The following LNPEP variants were observed in gnomAD, a reference collection of about 807,000 sequenced individuals.
The protein encoded by LNPEP is leucyl-cystinyl aminopeptidase.
A neutral mutation model predicts 120.6 loss-of-function variants in LNPEP; 64 were observed. That is an observed-to-expected ratio of 0.53 (90% CI 0.43 to 0.65). The LOEUF (loss-of-function observed/expected upper bound fraction) is 0.65. LNPEP is among the 30% of genes least tolerant of loss of function. The pLI, the probability that LNPEP is intolerant of heterozygous loss-of-function variation, is 0.00. For synonymous variants in LNPEP, 435 were observed against 425.4 expected (o/e 1.02, Z -0.28); for missense variants, 1,057 against 1,200.0 (o/e 0.88, Z 1.76).
chr5:96,948,549 T>C (rs1789247729), intron 1 of LNPEP, among the ~76,000 whole-genome samples: 2 of 152,242 alleles, frequency 1.3e-5, no homozygotes, highest in African/African-American at 4.8e-5. Flanking sequence ...CCCAAATAGA[T>C]ACATTAAATG....
At position 97,008,337 on chromosome 5, in the gene LNPEP, G is replaced by GTTTTTTTT. The variant is rs781727347; in HGVS notation, c.2035+1846_2035+1853dup. On this transcript the variant is annotated intron_variant, in intron 11 of 17. Transcript: ENST00000231368. ...TTGATTTTTTTGTTTGTTTTTTCTT[G>GTTTTTTTT]TTTTTTTTTTTTTTTTTTTTTTTTT... Among the ~76,000 whole-genome samples the GTTTTTTTT allele has an allele frequency of 3.7e-3, 220 of 59,844 alleles. 18 individuals are homozygous for GTTTTTTTT. Among genetic ancestry groups the GTTTTTTTT allele is most frequent in the Non-Finnish European group, 4.6e-3 (162 of 34,900 alleles). 39.3% of individuals were successfully genotyped at this position (59,844 alleles called of 152,430 possible).
intron 7 of LNPEP, 52 bp downstream of exon 7, chr5:96,996,555 C>G: frequency 1.1e-6 from 1 of 910,442 alleles, no homozygotes; most frequent in Non-Finnish European, 1.8e-6. Flanking sequence ...GAAAAATAGT[C>G]AAATCACATT....
Position 97,028,504 on chromosome 5 carries a change from A to C in LNPEP, c.3049A>C (p.Asn1017His), listed in dbSNP as rs746587593. The change falls in exon 18 of 18, where the codon AAC (asparagine) becomes CAC (histidine). Residue 1017 changes from asparagine (N) to histidine (H), a missense_variant. Physicochemically the swap from Asn to His is moderately conservative, Grantham distance 68. Transcript: ENST00000231368. Reference sequence around the variant, plus strand: ...GTTGAATATCCAGTGGATGGAGAAGAACCTCAAAAGTCTCACATGGTGGCT... The same window carrying C: ...GTTGAATATCCAGTGGATGGAGAAGCACCTCAAAAGTCTCACATGGTGGCT... ...IQLNIQWMEKNLKSLTWWL is the reference protein window; with the variant it reads ...IQLNIQWMEKHLKSLTWWL The C allele has an allele frequency of 6.2e-7, 1 of 1,613,986 alleles. No homozygotes were observed. The highest frequency in any genetic ancestry group is 1.1e-5 in the South Asian group (1 of 91,078).
intron 13 of LNPEP, among the ~76,000 whole-genome samples, chr5:97,018,007 A>G (rs562845582): frequency 6.6e-6 from 1 of 152,224 alleles, no homozygotes; most frequent in Non-Finnish European, 1.5e-5. Flanking sequence ...AAATTGCCCC[A>G]TTCTTAGATT....
chr5:97,026,050 G>A (rs1791330678), intron 15 of LNPEP, among the ~76,000 whole-genome samples: 1 of 151,876 alleles, frequency 6.6e-6, no homozygotes, highest in East Asian at 1.9e-4. Context: ...TGTGACTGTG[G>A]GTCAATTAGA....
chr5:97,021,923 G>GTTTTTTTTTTTTTTT (rs1165456605), intron 13 of LNPEP, among the ~76,000 whole-genome samples: 11 of 57,194 alleles, frequency 1.9e-4, no homozygotes, highest in East Asian at 7.2e-4. Flanking sequence ...TTTGTCTTTT[G>GTTTTTTTTTTTTTTT]TTTTTTTTTT....
intron 17 of LNPEP, among the ~76,000 whole-genome samples, 188 bp from the exon 18 acceptor site, chr5:97,028,214 C>T (rs1464063263): frequency 6.6e-6 from 1 of 152,132 alleles, no homozygotes; most frequent in Non-Finnish European, 1.5e-5. Context: ...TTTTTAAAAT[C>T]ATTTCAGATA....
At chr5:96,959,220 G>C (rs553829339) in intron 1 of LNPEP, among the ~76,000 whole-genome samples, 5 of 152,108 alleles carry the variant, frequency 3.3e-5, no homozygotes, top group African/African-American at 4.8e-5. Flanking sequence ...TTAGTCTGTT[G>C]ACCATACCAG....
chr5:96,988,699 T>TTCTGGGC (rs1259726061), intron 4 of LNPEP, among the ~76,000 whole-genome samples: 1 of 152,048 alleles, frequency 6.6e-6, no homozygotes, highest in African/African-American at 2.4e-5. Flanking sequence ...AACATTAAAG[T>TTCTGGGC]TCTGGGCTCA....
chr5:96,952,802 TAG>T (rs34962665), intron 1 of LNPEP, among the ~76,000 whole-genome samples: 56,379 of 151,958 alleles, frequency 0.37, 10,614 homozygotes, highest in Non-Finnish European at 0.42. Flanking sequence ...GAAAACATAA[TAG>T]AGACACATCA....
At position 96,998,035 on chromosome 5, in the gene LNPEP, C is replaced by T. The variant is rs1790556459; in HGVS notation, c.1543C>T (p.Arg515Ter). ...LSSYEDFLDA[R>*]FKTMKKDSLN... ...ACAGTATGAAGATTTCTTAGATGCT[C>T]GATTTAAAACCATGAAGAAAGATTC... The change falls in exon 8 of 18, where the codon CGA becomes TGA. Residue 515 changes from arginine (R) to a stop codon, truncating the protein, a stop_gained. Transcript: ENST00000231368. LOFTEE classifies it high-confidence loss of function. The T allele has an allele frequency of 1.9e-6, 3 of 1,573,486 alleles. No homozygotes were observed. The highest frequency in any genetic ancestry group is 1.1e-5 in the South Asian group (1 of 87,312).
At chr5:97,024,414 G>C in intron 14 of LNPEP, 107 bp from the exon 15 acceptor site, 1 of 1,015,988 alleles carries the variant, frequency 9.8e-7, no homozygotes, top group Non-Finnish European at 1.5e-6. Flanking sequence ...ACTCAAACTT[G>C]TTATTATTAC....
In LNPEP at chr5:97,032,374, A is replaced by G. The variant is rs1296909048; in HGVS notation, c.*3841A>G. The G allele has an allele frequency of 6.6e-6, 1 of 152,202 alleles. No homozygotes were observed. Among genetic ancestry groups the G allele is most frequent in the East Asian group, 1.9e-4 (1 of 5,194 alleles). The allele number at this position is 152,202 out of a possible 1,614,324, so 9.4% of individuals were successfully genotyped here. Reference sequence around the variant, plus strand: ...ACTACCTGAAAAGTAGCGGTTCAAAAGTATGGTAAATCTCCTCCCTTAACC... The same window carrying G: ...ACTACCTGAAAAGTAGCGGTTCAAAGGTATGGTAAATCTCCTCCCTTAACC... On this transcript the variant is annotated 3_prime_UTR_variant, in exon 18 of 18. Transcript: ENST00000231368.
At chr5:97,009,794 A>T (rs1790881837) in intron 11 of LNPEP, among the ~76,000 whole-genome samples, 1 of 152,136 alleles carries the variant, frequency 6.6e-6, no homozygotes, top group African/African-American at 2.4e-5. Flanking sequence ...TTGGTTCCTA[A>T]TGCTCCAGTG....
chr5:96,975,872 T>A (rs1436358653), intron 1 of LNPEP, among the ~76,000 whole-genome samples: 3 of 152,162 alleles, frequency 2.0e-5, no homozygotes, highest in Non-Finnish European at 4.4e-5. Context: ...GTTCACAGTA[T>A]CTGATGAAAA....
At chr5:96,994,099 T>C in intron 6 of LNPEP, 128 bp downstream of exon 6, 1 of 752,208 alleles carries the variant, frequency 1.3e-6, no homozygotes, top group Non-Finnish European at 2.1e-6. Flanking sequence ...AATAGAAAGA[T>C]GCTTTTTAAA....
intron 4 of LNPEP, among the ~76,000 whole-genome samples, chr5:96,987,068 T>C (rs1270908107): frequency 6.6e-6 from 1 of 152,204 alleles, no homozygotes; most frequent in Non-Finnish European, 1.5e-5. Context: ...TTCATGTGAC[T>C]AGTGGCTACA....
At chr5:97,027,536 A>C (rs1791373749) in intron 16 of LNPEP, among the ~76,000 whole-genome samples, 197 bp from the exon 17 acceptor site, 1 of 151,906 alleles carries the variant, frequency 6.6e-6, no homozygotes, top group Admixed American at 6.6e-5. Context: ...GCATGTTCTG[A>C]ACTCTTCCCT....
rs1354740508 is a variant in LNPEP at position 96,980,319 on chromosome 5, TC to T, written c.860+342del. Among the ~76,000 whole-genome samples the T allele has an allele frequency of 3.3e-5, 5 of 152,170 alleles. No homozygotes were observed. The East Asian group carries it at 9.6e-4, about 29-fold the overall frequency. On this transcript the variant is annotated intron_variant, in intron 2 of 17. Coordinates refer to ENST00000231368, the MANE Select transcript of LNPEP (RefSeq NM_005575.3). ...GGGAAGCAGAGTAAAGAGGAGTTAT[TC>T]TTTAAGACCTATTTTCCTAATGTGC...
Sources: allele counts gnomAD v4.1 joint callset (sites outside exome capture counted in the v4.1 genomes callset), GRCh38; gene constraint gnomAD v4.1.1; transcripts MANE v1.5; gene names NCBI Gene and HGNC (gene_info 2026-07-23, HGNC 2026-07-21).